GRID2: variants seen among roughly 807,000 people sequenced by gnomAD.
GRID2 encodes the protein glutamate ionotropic receptor delta type subunit 2, also known as glutamate receptor ionotropic, delta-2.
In GRID2, 33 loss-of-function variants were observed where a neutral mutation model predicts 114.8. The observed-to-expected ratio is 0.29, with a 90% confidence interval of 0.22 to 0.38. GRID2 has a LOEUF of 0.38. Ranked by LOEUF, GRID2 falls within the 10% of genes least tolerant of loss-of-function variation. The pLI, the probability that GRID2 is intolerant of heterozygous loss-of-function variation, is 1.00. For missense variants in GRID2, 1,184 were observed against 1,257.7 expected, an observed-to-expected ratio of 0.94 and a Z score of 0.89; for synonymous variants, 505 against 449.9, an observed-to-expected ratio of 1.12 and a Z score of -1.55.
At chr4:93,381,063 TGTG>T (rs1459794671) in intron 8 of GRID2, among the ~76,000 whole-genome samples, 9 of 152,088 alleles carry the variant, frequency 5.9e-5, no homozygotes, top group Non-Finnish European at 1.0e-4. Flanking sequence ...AAAATTTTAT[TGTG>T]GTAAAATACA....
chr4:92,632,619 G>A (rs1730861901), intron 2 of GRID2, among the ~76,000 whole-genome samples: 1 of 151,776 alleles, frequency 6.6e-6, no homozygotes, highest in African/African-American at 2.4e-5. Context: ...GCCACGGAGC[G>A]AGATTCTGTC....
At position 92,578,730 on chromosome 4, in the gene GRID2, A is replaced by G. The variant is rs1387107213; in HGVS notation, c.89-11401A>G. On this transcript the variant is annotated intron_variant, in intron 1 of 15. Coordinates refer to ENST00000282020, the MANE Select transcript of GRID2 (RefSeq NM_001510.4). ...CAAAAATATCATTATCTATCTATCT[A>G]TCAATCTATCTATCTATCTATCTAT... Among the ~76,000 whole-genome samples, 3 of 151,304 alleles carry G rather than the reference A, an allele frequency of 2.0e-5. No homozygotes were observed. The East Asian group carries it at 5.9e-4, about 30-fold the overall frequency.
chr4:93,770,166 G>A (rs1054406267), intron 15 of GRID2, among the ~76,000 whole-genome samples: 1 of 152,172 alleles, frequency 6.6e-6, no homozygotes, highest in Non-Finnish European at 1.5e-5. Context: ...AAGAAAATCT[G>A]AAGCTAAATC....
At chr4:93,633,379 A>G (rs1163630481) in intron 14 of GRID2, among the ~76,000 whole-genome samples, 2 of 152,006 alleles carry the variant, frequency 1.3e-5, no homozygotes, top group Admixed American at 1.3e-4. Context: ...ACCTCTCTCT[A>G]TCTTGATACT....
chr4:92,412,485 A>G (rs1731387243), intron 1 of GRID2, among the ~76,000 whole-genome samples: 1 of 152,128 alleles, frequency 6.6e-6, no homozygotes. Flanking sequence ...GTTTTCTACA[A>G]TATTGATTTG....
intron 1 of GRID2, among the ~76,000 whole-genome samples, chr4:92,478,756 T>C (rs1722440124): frequency 6.6e-6 from 1 of 152,122 alleles, no homozygotes; most frequent in Non-Finnish European, 1.5e-5. Context: ...GTTTTCCATC[T>C]TGTTTCTGCA....
At chr4:93,778,847 C>T (rs563058589), downstream of GRID2, among the ~76,000 whole-genome samples, 17 of 152,186 alleles carry the variant, frequency 1.1e-4, no homozygotes, top group African/African-American at 3.9e-4. Flanking sequence ...TCTATTCACA[C>T]ATGATGTTTT....
At chr4:93,116,468 T>C (rs969769845) in intron 4 of GRID2, among the ~76,000 whole-genome samples, 1 of 152,206 alleles carries the variant, frequency 6.6e-6, no homozygotes, top group African/African-American at 2.4e-5. Flanking sequence ...TCACTCAGCT[T>C]CAGGTTTCTT....
chr4:93,005,214 T>G (rs2149221875), intron 2 of GRID2, among the ~76,000 whole-genome samples: 1 of 152,226 alleles, frequency 6.6e-6, no homozygotes, highest in South Asian at 2.1e-4. Context: ...TTTTAAATTT[T>G]TTATCTCAAT....
intron 2 of GRID2, among the ~76,000 whole-genome samples, chr4:93,042,602 G>A (rs1266591992): frequency 8.9e-6 from 1 of 112,756 alleles, no homozygotes; most frequent in Non-Finnish European, 1.8e-5. Context: ...CAAACATGAT[G>A]AATCTTTTCT....
intron 2 of GRID2, among the ~76,000 whole-genome samples, chr4:92,859,730 T>C (rs559103953): frequency 7.9e-5 from 12 of 152,272 alleles, no homozygotes; most frequent in African/African-American, 2.9e-4. Context: ...CTTTATTCTC[T>C]TTATTAGTGA....
At chr4:93,766,428 G>A (rs998198800) in intron 14 of GRID2, among the ~76,000 whole-genome samples, 16 of 152,066 alleles carry the variant, frequency 1.1e-4, no homozygotes, top group Admixed American at 2.6e-4. Context: ...TCACAAGAAC[G>A]GCATGAGGGA....
chr4:93,762,909 C>A (rs1169161470), intron 14 of GRID2, among the ~76,000 whole-genome samples: 1 of 152,102 alleles, frequency 6.6e-6, no homozygotes, highest in Non-Finnish European at 1.5e-5. Context: ...GCTACAGAAT[C>A]ATCAGGGGCT....
At chr4:92,818,341 A>G (rs1277671296) in intron 2 of GRID2, among the ~76,000 whole-genome samples, 1 of 152,164 alleles carries the variant, frequency 6.6e-6, no homozygotes, top group Non-Finnish European at 1.5e-5. Context: ...AAGAGAGACT[A>G]AAAGTGTCAT....
intron 2 of GRID2, among the ~76,000 whole-genome samples, chr4:92,626,363 A>G (rs1224011124): frequency 2.0e-5 from 3 of 152,028 alleles, no homozygotes; most frequent in Admixed American, 2.0e-4. Flanking sequence ...ATTTGGGCCC[A>G]TGGGTGGTTG....
In GRID2 at chr4:93,028,088, A is replaced by G. The variant is rs375556132; in HGVS notation, c.245-56907A>G. Among the ~76,000 whole-genome samples the G allele has an allele frequency of 3.3e-5, 5 of 152,148 alleles. No homozygotes were observed. The East Asian group carries it at 7.7e-4, about 23-fold the overall frequency. On this transcript the variant is annotated intron_variant, in intron 2 of 15. Coordinates refer to ENST00000282020, the MANE Select transcript of GRID2 (RefSeq NM_001510.4). ...CTCTTCTTGATTTATTCATTCAACA[A>G]ATACTCATTTTGTGCCTGTAATTTG...
chr4:93,695,242 T>G (rs915730442), intron 14 of GRID2, among the ~76,000 whole-genome samples: 8 of 152,188 alleles, frequency 5.3e-5, no homozygotes, highest in Non-Finnish European at 1.2e-4. Flanking sequence ...CTTTGTCGTA[T>G]TTTTCATAGA....
chr4:93,700,667 G>A (rs905457454), intron 14 of GRID2, among the ~76,000 whole-genome samples: 1 of 151,974 alleles, frequency 6.6e-6, no homozygotes, highest in Non-Finnish European at 1.5e-5. Context: ...TTTATCTGAG[G>A]GTTCAGCACA....
intron 2 of GRID2, among the ~76,000 whole-genome samples, chr4:92,946,318 A>T (rs1751628540): frequency 1.3e-5 from 2 of 151,980 alleles, no homozygotes; most frequent in South Asian, 4.1e-4. Context: ...TCTATTCCTT[A>T]GCCTACTTTT....
Sources: gnomAD v4.1 joint callset for allele counts (sites outside exome capture counted in the v4.1 genomes callset) on GRCh38, gnomAD v4.1.1 for gene constraint, MANE v1.5 for transcripts, NCBI Gene and HGNC (gene_info 2026-07-23, HGNC 2026-07-21) for gene names.